PAQR8: variants seen among roughly 807,000 people sequenced by gnomAD.
PAQR8 encodes the protein membrane progestin receptor beta.
A neutral mutation model predicts 25.2 loss-of-function variants in PAQR8; 17 were observed. The ratio of observed to expected loss-of-function variants is 0.67; its 90% CI spans 0.46 to 1.01. PAQR8 has a LOEUF of 1.01. Ranked by LOEUF, PAQR8 falls within the 50% of genes least tolerant of loss-of-function variation. The pLI is 0.00. For missense variants in PAQR8, 392 were observed against 448.4 expected, an observed-to-expected ratio of 0.87 and a Z score of 1.14; for synonymous variants, 204 against 190.6, an observed-to-expected ratio of 1.07 and a Z score of -0.58.
At chr6:52,384,839 G>C (rs1007771836) in intron 1 of PAQR8, among the ~76,000 whole-genome samples, 5 of 152,126 alleles carry the variant, frequency 3.3e-5, no homozygotes, top group Non-Finnish European at 5.9e-5. Flanking sequence ...CAATGGAATA[G>C]AGAACCCAGA....
intron 1 of PAQR8, among the ~76,000 whole-genome samples, chr6:52,380,969 AT>A (rs1334450805): frequency 1.3e-5 from 2 of 152,130 alleles, no homozygotes; most frequent in African/African-American, 4.8e-5. Context: ...TCTTAACCTC[AT>A]TTTTCTAGGT....
rs138496018 is a variant in PAQR8 at position 52,373,586 on chromosome 6, A to C, written c.-53+11337A>C. ...CTGTGTACTGCTTTTACTGCCAGAA[A>C]TGTTCTCCTCACCTGGGAGCCAGTT... On this transcript the variant is annotated intron_variant, in intron 1 of 1. Transcript: ENST00000442253. 25 of 152,300 alleles carry C rather than the reference A, an allele frequency of 1.6e-4. 1 individual carries two copies. Among genetic ancestry groups the C allele is most frequent in the Admixed American group, 1.2e-3 (18 of 15,300 alleles). 9.4% of individuals were successfully genotyped at this position (152,300 alleles called of 1,614,324 possible). A position where few individuals can be genotyped will look rare whatever the true frequency, so the allele number is the denominator to read the frequency against.
At chr6:52,363,565 T>C (rs1457229648) in intron 1 of PAQR8, among the ~76,000 whole-genome samples, 1 of 152,056 alleles carries the variant, frequency 6.6e-6, no homozygotes, top group Non-Finnish European at 1.5e-5. Flanking sequence ...ACGAGGAAAA[T>C]CCACAACAAA....
At chr6:52,385,254 C>G (rs1263671380) in intron 1 of PAQR8, among the ~76,000 whole-genome samples, 1 of 152,218 alleles carries the variant, frequency 6.6e-6, no homozygotes, top group Non-Finnish European at 1.5e-5. Flanking sequence ...CTCTCATTCT[C>G]TCTCTACTGG....
rs1210327253 is a variant in PAQR8, at chr6:52,407,624, G to T, written c.*3346G>T. Reference sequence around the variant, plus strand: ...CTTACTCAGAAAGGGCACTGCCATTGTCCCCAAGGCTTCTGTCTACTAATT... The same window carrying T: ...CTTACTCAGAAAGGGCACTGCCATTTTCCCCAAGGCTTCTGTCTACTAATT... On this transcript the variant is annotated 3_prime_UTR_variant, in exon 2 of 2. Coordinates refer to ENST00000442253, the MANE Select transcript of PAQR8 (RefSeq NM_133367.5). 2 of 138,192 alleles carry T rather than the reference G, an allele frequency of 1.4e-5. No individual in the cohort carries two copies. The highest frequency in any genetic ancestry group is 6.5e-5 in the African/African-American group (2 of 30,854). The allele number at this position is 138,192 out of a possible 1,614,324, so 8.6% of individuals were successfully genotyped here.
chr6:52,365,483 A>G (rs1215397957), intron 1 of PAQR8, among the ~76,000 whole-genome samples: 2 of 152,180 alleles, frequency 1.3e-5, no homozygotes, highest in Non-Finnish European at 2.9e-5. Context: ...ATGAAGATGA[A>G]ATAACATTGA....
intron 1 of PAQR8, among the ~76,000 whole-genome samples, chr6:52,384,731 C>T (rs2113942924): frequency 6.6e-6 from 1 of 152,170 alleles, no homozygotes; most frequent in Admixed American, 6.5e-5. Flanking sequence ...AGGAACAAAG[C>T]CAGAGGCATC....
intron 1 of PAQR8, among the ~76,000 whole-genome samples, chr6:52,372,660 T>C (rs1346026319): frequency 6.6e-6 from 1 of 151,640 alleles, no homozygotes; most frequent in Non-Finnish European, 1.5e-5. Flanking sequence ...CAGGCAGAGG[T>C]AGACAATATG....
At position 52,374,639 on chromosome 6, in the gene PAQR8, G is replaced by A. The variant is rs530456638; in HGVS notation, c.-53+12390G>A. 5.5e-4 allele frequency among the ~76,000 whole-genome samples: 84 copies of A among 152,274 alleles called. 1 individual carries two copies. Among genetic ancestry groups the A allele is most frequent in the Admixed American group, 1.2e-3 (18 of 15,292 alleles). On this transcript the variant is annotated intron_variant, in intron 1 of 1. Transcript: ENST00000442253. Reference sequence around the variant, plus strand: ...GTTGGTCTTGAACTCCTGGGCTCAAGCCATTCTCCTGCCTTGGCCTCATAA... The same window carrying A: ...GTTGGTCTTGAACTCCTGGGCTCAAACCATTCTCCTGCCTTGGCCTCATAA...
chr6:52,404,380 C>A lies in PAQR8; in HGVS notation c.*102C>A. On this transcript the variant is annotated 3_prime_UTR_variant, in exon 2 of 2. Coordinates refer to ENST00000442253, the MANE Select transcript of PAQR8 (RefSeq NM_133367.5). ...TAAGGCATTGGCTTTTAAATTAATA[C>A]ATATATCCAAGGATATGTTATAGCT... 1 of 1,097,078 alleles carries A rather than the reference C, an allele frequency of 9.1e-7. No homozygotes were observed. Among genetic ancestry groups the A allele is most frequent in the South Asian group, 1.7e-5 (1 of 59,086 alleles). 68.0% of individuals were successfully genotyped at this position (1,097,078 alleles called of 1,614,324 possible).
intron 1 of PAQR8, among the ~76,000 whole-genome samples, chr6:52,384,314 C>G (rs569801601): frequency 1.3e-5 from 2 of 152,292 alleles, no homozygotes; most frequent in Admixed American, 1.3e-4. Flanking sequence ...CTTTCTATAG[C>G]AGTACACAGT....
chr6:52,380,264 G>A (rs1053265354), intron 1 of PAQR8, among the ~76,000 whole-genome samples: 14 of 152,194 alleles, frequency 9.2e-5, no homozygotes, highest in African/African-American at 3.1e-4. Context: ...GGAGTTGTTT[G>A]TCTCTTGGCT....
chr6:52,373,299 T>G (rs1763443669), intron 1 of PAQR8, among the ~76,000 whole-genome samples: 1 of 152,224 alleles, frequency 6.6e-6, no homozygotes, highest in Non-Finnish European at 1.5e-5. Context: ...CAAACCCTTC[T>G]TGTGATAGTG....
chr6:52,395,737 C>T (rs567005372), intron 1 of PAQR8, among the ~76,000 whole-genome samples: 25 of 152,128 alleles, frequency 1.6e-4, no homozygotes, highest in African/African-American at 5.8e-4. Context: ...ACTTTATGTA[C>T]ATGTTTTGCC....
intron 1 of PAQR8, among the ~76,000 whole-genome samples, chr6:52,379,565 C>T (rs1581791333): frequency 6.6e-6 from 1 of 151,700 alleles, no homozygotes; most frequent in Middle Eastern, 3.4e-3. Context: ...GATTTTCCTG[C>T]CTCAGCCTCC....
At chr6:52,381,926 A>G (rs926472275) in intron 1 of PAQR8, among the ~76,000 whole-genome samples, 23 of 152,206 alleles carry the variant, frequency 1.5e-4, no homozygotes, top group African/African-American at 5.5e-4. Context: ...AGAATGTAGC[A>G]GCCATTAGGT....
chr6:52,401,526 G>C (rs1362079502), intron 1 of PAQR8, among the ~76,000 whole-genome samples: 1 of 152,190 alleles, frequency 6.6e-6, no homozygotes, highest in Non-Finnish European at 1.5e-5. Context: ...TCTGAAGCCT[G>C]AAATTCACCG....
intron 1 of PAQR8, among the ~76,000 whole-genome samples, chr6:52,388,959 C>T (rs1252819432): frequency 6.6e-6 from 1 of 152,194 alleles, no homozygotes; most frequent in Non-Finnish European, 1.5e-5. Context: ...GTCTGTTCTG[C>T]CTTTTGTATG....
At chr6:52,377,468 T>A (rs1190108715) in intron 1 of PAQR8, among the ~76,000 whole-genome samples, 1 of 152,190 alleles carries the variant, frequency 6.6e-6, no homozygotes, top group Admixed American at 6.5e-5. Context: ...ATGATTGATG[T>A]ACCTTGTTGA....
Sources: allele counts gnomAD v4.1 joint callset (sites outside exome capture counted in the v4.1 genomes callset), GRCh38; gene constraint gnomAD v4.1.1; transcripts MANE v1.5; gene names NCBI Gene and HGNC (gene_info 2026-07-23, HGNC 2026-07-21).